The following GMDS variants were observed in gnomAD, a reference collection of about 807,000 sequenced individuals.
GMDS encodes the protein GDP-mannose 4,6 dehydratase.
In GMDS, 20 loss-of-function variants were observed where a neutral mutation model predicts 49.9. The observed-to-expected ratio is 0.40, with a 90% CI of 0.28 to 0.58. GMDS has a LOEUF of 0.58. Ranked by LOEUF, GMDS falls within the 20% of genes least tolerant of loss-of-function variation. The pLI is 0.42. For missense variants in GMDS, 362 were observed against 481.4 expected, an observed-to-expected ratio of 0.75 and a Z score of 2.32; for synonymous variants, 177 against 178.6, an observed-to-expected ratio of 0.99 and a Z score of 0.07.
intron 4 of GMDS, among the ~76,000 whole-genome samples, chr6:1,974,452 T>C (rs1764784340): frequency 6.6e-6 from 1 of 152,110 alleles, no homozygotes; most frequent in African/African-American, 2.4e-5. Flanking sequence ...AGAAGGCTGC[T>C]AGAGAAGTAG....
chr6:1,973,879 T>C (rs892749967), intron 4 of GMDS, among the ~76,000 whole-genome samples: 4 of 152,134 alleles, frequency 2.6e-5, no homozygotes, highest in Non-Finnish European at 5.9e-5. Context: ...GTTACAACAA[T>C]GTAAGTCTCA....
intron 1 of GMDS, among the ~76,000 whole-genome samples, chr6:2,196,429 T>G (rs1779277903): frequency 6.6e-6 from 1 of 152,248 alleles, no homozygotes; most frequent in African/African-American, 2.4e-5. Flanking sequence ...TTGGAAGCAC[T>G]TAAAAAGTTC....
At chr6:2,136,644 C>T (rs2127523696) in intron 1 of GMDS, among the ~76,000 whole-genome samples, 1 of 152,194 alleles carries the variant, frequency 6.6e-6, no homozygotes, top group East Asian at 1.9e-4. Context: ...TGCTTGTAGT[C>T]CAGAAGGTCA....
chr6:1,939,140 T>C (rs1762692371), intron 6 of GMDS, among the ~76,000 whole-genome samples: 1 of 152,156 alleles, frequency 6.6e-6, no homozygotes, highest in Non-Finnish European at 1.5e-5. Flanking sequence ...TTTACACATG[T>C]TTTTGTAATT....
At chr6:1,953,742 T>C (rs539031952) in intron 6 of GMDS, among the ~76,000 whole-genome samples, 1 of 152,346 alleles carries the variant, frequency 6.6e-6, no homozygotes, top group South Asian at 2.1e-4. Context: ...ATTTATAGCA[T>C]AATCTTTAAG....
At chr6:1,743,996 TCTCC>T (rs1266334749) in intron 7 of GMDS, among the ~76,000 whole-genome samples, 1 of 152,192 alleles carries the variant, frequency 6.6e-6, no homozygotes, top group Non-Finnish European at 1.5e-5. Flanking sequence ...TTGGTTTGCG[TCTCC>T]CTAAGTTGTT....
intron 9 of GMDS, among the ~76,000 whole-genome samples, chr6:1,682,479 C>T (rs1316043843): frequency 1.3e-5 from 2 of 152,304 alleles, no homozygotes; most frequent in African/African-American, 2.4e-5. Flanking sequence ...CTGGGAGGAC[C>T]GGGGACTCTG....
intron 7 of GMDS, among the ~76,000 whole-genome samples, chr6:1,886,595 C>A (rs768420587): frequency 1.3e-5 from 2 of 152,048 alleles, no homozygotes; most frequent in Non-Finnish European, 2.9e-5. Context: ...ACAATGACCA[C>A]CTTACTTATT....
intron 7 of GMDS, among the ~76,000 whole-genome samples, chr6:1,896,951 C>T (rs116677483): frequency 6.6e-6 from 1 of 152,048 alleles, no homozygotes; most frequent in African/African-American, 2.4e-5. Flanking sequence ...GTAGGGAAGA[C>T]GAGGGCAGGA....
At chr6:2,072,544 T>C (rs1772079749) in intron 4 of GMDS, among the ~76,000 whole-genome samples, 1 of 152,330 alleles carries the variant, frequency 6.6e-6, no homozygotes, top group South Asian at 2.1e-4. Flanking sequence ...GGAGTTACAG[T>C]TTTGTTTTTG....
rs186136972 is a variant in GMDS at position 1,910,327 on chromosome 6, A to T, written c.771+19776T>A. 1.0e-3 allele frequency among the ~76,000 whole-genome samples: 155 copies of T among 152,060 alleles called. 1 individual carries two copies. Among genetic ancestry groups the T allele is most frequent in the Admixed American group, 1.9e-3 (29 of 15,282 alleles). ...ATAAATGAAACTGAAAAAAAAAAGA[A>T]GATGATACTGGGCTTTATAAATAAT... is the stretch of plus-strand genomic sequence containing the variant. On this transcript the variant is annotated intron_variant, in intron 7 of 10. Coordinates refer to ENST00000380815, the MANE Select transcript of GMDS (RefSeq NM_001500.4).
chr6:2,126,177 C>A (rs548459363), intron 1 of GMDS, among the ~76,000 whole-genome samples: 1 of 152,268 alleles, frequency 6.6e-6, no homozygotes, highest in East Asian at 1.9e-4. Context: ...TAAAAAGTCA[C>A]CAGCCTCTCT....
intron 4 of GMDS, among the ~76,000 whole-genome samples, chr6:2,052,144 C>CAGAAAAGAAAAAT (rs1770455739): frequency 8.3e-6 from 1 of 120,334 alleles, no homozygotes; most frequent in Non-Finnish European, 1.8e-5. Context: ...AAAAAAAAAA[C>CAGAAAAGAAAAAT]AGAAAAGAAA....
chr6:1,980,383 G>C (rs1765152989), intron 4 of GMDS, among the ~76,000 whole-genome samples: 1 of 151,484 alleles, frequency 6.6e-6, no homozygotes, highest in African/African-American at 2.4e-5. Context: ...AAAAAAGCAG[G>C]GGTTGCAATC....
chr6:1,760,553 G>A (rs3800038), intron 7 of GMDS, among the ~76,000 whole-genome samples: 44,979 of 152,006 alleles, frequency 0.3, 7,886 homozygotes, highest in Non-Finnish European at 0.4. Context: ...CATGGCCCCC[G>A]CAGTCCCCAC....
chr6:1,979,786 C>A (rs1349006333), intron 4 of GMDS, among the ~76,000 whole-genome samples: 1 of 152,104 alleles, frequency 6.6e-6, no homozygotes, highest in African/African-American at 2.4e-5. Context: ...ATGTTGAGGG[C>A]AGCCAGAGAG....
At chr6:2,162,949 G>A (rs1051987137) in intron 1 of GMDS, among the ~76,000 whole-genome samples, 16 of 152,090 alleles carry the variant, frequency 1.1e-4, no homozygotes, top group African/African-American at 9.6e-5. Flanking sequence ...TCACTCTATC[G>A]GCTCTGGGAC....
chr6:2,201,708 T>C (rs1416773297), intron 1 of GMDS, among the ~76,000 whole-genome samples: 1 of 99,914 alleles, frequency 1.0e-5, no homozygotes, highest in Non-Finnish European at 2.0e-5. Context: ...GCATCCGAGA[T>C]GAAACCATCT....
rs867428889 is a variant in GMDS at position 1,694,585 on chromosome 6, G to A, written c.987+31831C>T. Among the ~76,000 whole-genome samples, 8 of 152,204 alleles carry A rather than the reference G, an allele frequency of 5.3e-5. No individual in the cohort carries two copies. The Middle Eastern group carries it at 0.017, about 324-fold the overall frequency. ...ACATATGCTTTTAATGGCATGTCAA[G>A]CCCATGTGTGTATACACACACGTCT... On this transcript the variant is annotated intron_variant, in intron 9 of 10. Transcript: ENST00000380815.
Sources: gnomAD v4.1 joint callset for allele counts (sites outside exome capture counted in the v4.1 genomes callset) on GRCh38, gnomAD v4.1.1 for gene constraint, MANE v1.5 for transcripts, NCBI Gene and HGNC (gene_info 2026-07-23, HGNC 2026-07-21) for gene names.